DGKZ: variants seen among roughly 807,000 people sequenced by gnomAD.
DGKZ encodes DAG kinase zeta.
In DGKZ, 45 loss-of-function variants were observed where a neutral mutation model predicts 142.5. The ratio of observed to expected loss-of-function variants is 0.32; its 90% CI spans 0.25 to 0.40. DGKZ has a LOEUF of 0.40. Ranked by LOEUF, DGKZ falls within the 10% of genes least tolerant of loss-of-function variation. The pLI is 1.00. For synonymous variants in DGKZ, 442 were observed against 527.0 expected (o/e 0.84, Z 2.21); for missense variants, 755 against 1,306.5 (o/e 0.58, Z 6.51).
intron 1 of DGKZ, among the ~76,000 whole-genome samples, chr11:46,353,302 CTCTTT>C (rs570461982): frequency 3.5e-4 from 54 of 152,342 alleles, no homozygotes; most frequent in African/African-American, 1.3e-3. Flanking sequence ...CTTAGGAGTA[CTCTTT>C]TCTTCTATTA....
chr11:46,379,173 C>A (rs1312382635), intron 28 of DGKZ, 30 bp from the exon 29 acceptor site: 2 of 1,612,442 alleles, frequency 1.2e-6, no homozygotes, highest in South Asian at 1.1e-5. Flanking sequence ...GGCTGCCAGG[C>A]CTCTCTGACC....
intron 1 of DGKZ, among the ~76,000 whole-genome samples, chr11:46,363,737 C>G (rs1942946532): frequency 6.6e-6 from 1 of 152,228 alleles, no homozygotes; most frequent in Non-Finnish European, 1.5e-5. Flanking sequence ...GACTAATCTC[C>G]TCCAGGCTGG....
In DGKZ at chr11:46,366,647, T is replaced by C. The variant is rs866211653; in HGVS notation, c.162-644T>C. The C allele has an allele frequency of 3.1e-6, 5 of 1,599,544 alleles. No homozygotes were observed. The Middle Eastern group carries it at 8.3e-4, about 265-fold the overall frequency. ...CCAGGAGGATGTGGTAGCCGAGGCA[T>C]CGAGCGCCATCCAGCCAGGCACCAA... On this transcript the variant is annotated intron_variant, in intron 1 of 30. Transcript: ENST00000527911.
chr11:46,358,179 C>T (rs1296237223), intron 1 of DGKZ, among the ~76,000 whole-genome samples: 17 of 152,114 alleles, frequency 1.1e-4, no homozygotes, highest in Admixed American at 1.1e-3. Context: ...ACTGCTAGCC[C>T]CTCAACGCGA....
rs1943376425 is a variant in DGKZ at position 46,366,944 on chromosome 11, C to T, written c.162-347C>T. On this transcript the variant is annotated intron_variant, in intron 1 of 30. Coordinates refer to ENST00000527911, the Ensembl canonical transcript of DGKZ. Reference sequence around the variant, plus strand: ...CCGCAGGCGCCAGGTAGCCCTACGGCGCAAGGCGGCCGGACCCCAGGCCTG... The same window carrying T: ...CCGCAGGCGCCAGGTAGCCCTACGGTGCAAGGCGGCCGGACCCCAGGCCTG... 8 of 1,539,040 alleles carry T rather than the reference C, an allele frequency of 5.2e-6. No homozygotes were observed. The highest frequency in any genetic ancestry group is 2.1e-4 in the Middle Eastern group (1 of 4,720).
rs775515499 is a variant in DGKZ at position 46,379,578 on chromosome 11, C to T, written c.2688+10C>T. ...GAAGACAGACCAGCAGGTGAGCAGACGGCAGGCAGGGAGCCCACGAGGGCA... is the reference window on the plus strand; with the variant it reads ...GAAGACAGACCAGCAGGTGAGCAGATGGCAGGCAGGGAGCCCACGAGGGCA... On this transcript the variant is annotated intron_variant, in intron 30 of 30. Transcript: ENST00000527911. 1.5e-5 allele frequency: 24 copies of T among 1,599,764 alleles called. No homozygotes were observed. Among genetic ancestry groups the T allele is most frequent in the African/African-American group, 1.5e-4 (11 of 74,636 alleles).
intron 1 of DGKZ, chr11:46,366,505 C>T: frequency 1.3e-6 from 2 of 1,586,676 alleles, no homozygotes; most frequent in Non-Finnish European, 1.7e-6. Flanking sequence ...CTTCCTGCAA[C>T]CCCCGCTTCA....
At chr11:46,343,208 G>A (rs932027845), upstream of DGKZ, among the ~76,000 whole-genome samples, 5 of 152,094 alleles carry the variant, frequency 3.3e-5, no homozygotes, top group Admixed American at 6.5e-5. Flanking sequence ...AAAGAGCTAC[G>A]TTACATATTC....
intron 25 of DGKZ, chr11:46,377,738 C>T (rs553951671): frequency 1.5e-5 from 4 of 262,078 alleles, no homozygotes; most frequent in Non-Finnish European, 1.5e-5. Flanking sequence ...TGGTCCTGCC[C>T]CACTCTCTTC....
In DGKZ at chr11:46,350,764, G is replaced by A. The variant is rs1003575387; in HGVS notation, c.161+2944G>A. On this transcript the variant is annotated intron_variant, in intron 1 of 30. Transcript: ENST00000527911. ...AGTCTCTGAATGGCAGCCCCTGTGG[G>A]GCTGAAAGAGGCTTTTCCTTAAAGT... Among the ~76,000 whole-genome samples the A allele has an allele frequency of 3.0e-4, 45 of 152,130 alleles. 1 individual carries two copies. The highest frequency in any genetic ancestry group is 1.1e-3 in the African/African-American group (44 of 41,410).
In DGKZ at chr11:46,374,589, C is replaced by T; in HGVS notation, c.1462-15C>T. On this transcript the variant is annotated splice_polypyrimidine_tract_variant and intron_variant, in intron 16 of 30. Coordinates refer to ENST00000527911, the Ensembl canonical transcript of DGKZ. ...ATCTCTGTCAGCAGATGGTGACGCC[C>T]TCTGTCTCCCACAGACAGCTTTCTC... is the stretch of plus-strand genomic sequence containing the variant. 2 of 1,588,856 alleles carry T rather than the reference C, an allele frequency of 1.3e-6. No individual in the cohort carries two copies. The highest frequency in any genetic ancestry group is 1.3e-5 in the African/African-American group (1 of 74,662).
intron 1 of DGKZ, among the ~76,000 whole-genome samples, chr11:46,355,658 T>G: frequency 6.8e-6 from 1 of 148,058 alleles, no homozygotes; most frequent in African/African-American, 2.5e-5. Flanking sequence ...GTGAGTAGTG[T>G]GGAAGCCTGG....
chr11:46,375,419 C>A lies in DGKZ; in HGVS notation c.1711-13C>A. The A allele has an allele frequency of 6.4e-7, 1 of 1,562,032 alleles. No individual in the cohort carries two copies. The highest frequency in any genetic ancestry group is 2.3e-5 in the East Asian group (1 of 43,098). On this transcript the variant is annotated splice_polypyrimidine_tract_variant and intron_variant, in intron 19 of 30. Coordinates refer to ENST00000527911, the Ensembl canonical transcript of DGKZ. ...CCCTGGTGCCATCTGACCCAAGCTT[C>A]CTGTGCCCACAGGCCGCGCTGCAGG...
At chr11:46,373,792 C>T (rs976931759) in intron 14 of DGKZ, among the ~76,000 whole-genome samples, 2 of 152,382 alleles carry the variant, frequency 1.3e-5, no homozygotes, top group African/African-American at 4.8e-5. Flanking sequence ...GCCACCACGC[C>T]TGGTCAGAAG....
At chr11:46,351,634 C>T (rs565401275) in intron 1 of DGKZ, among the ~76,000 whole-genome samples, 2 of 152,334 alleles carry the variant, frequency 1.3e-5, no homozygotes, top group Admixed American at 1.3e-4. Context: ...AGTGGTTTGT[C>T]TCACCTGGGC....
chr11:46,333,192 TC>T, exon 1 of DGKZ: 1 of 1,168,742 alleles, frequency 8.6e-7, no homozygotes, highest in Non-Finnish European at 1.1e-6. Flanking sequence ...CCGCCTCGCG[TC>T]CCCGGCCCGG....
intron 1 of DGKZ, among the ~76,000 whole-genome samples, chr11:46,334,726 C>CGG (rs1939928762): frequency 1.3e-5 from 2 of 152,184 alleles, no homozygotes; most frequent in South Asian, 2.1e-4. Flanking sequence ...CCAAGTTCTT[C>CGG]CAGAACACCA....
Position 46,371,469 on chromosome 11 carries a change from G to T in DGKZ, c.643-18G>T, listed in dbSNP as rs918600087. 1.2e-6 allele frequency: 2 copies of T among 1,600,096 alleles called. No individual in the cohort carries two copies. Among genetic ancestry groups the T allele is most frequent in the Non-Finnish European group, 1.7e-6 (2 of 1,172,384 alleles). On this transcript the variant is annotated intron_variant, in intron 7 of 30. Coordinates refer to ENST00000527911, the Ensembl canonical transcript of DGKZ. ...TCTGAACACGGTCCCGCTGAGCCCG[G>T]CCCCTCGCTCTCCTCAGTACCACAG...
At chr11:46,374,817 G>A (rs748044790) in exon 18 of DGKZ, 2 of 1,600,826 alleles carry the variant, frequency 1.2e-6, no homozygotes, top group Non-Finnish European at 8.5e-7. Context: ...ACCCCAGTGT[G>A]TTGTTTTCCT....
Sources: allele counts gnomAD v4.1 joint callset (sites outside exome capture counted in the v4.1 genomes callset), GRCh38; gene constraint gnomAD v4.1.1; transcripts MANE v1.5; gene names NCBI Gene and HGNC (gene_info 2026-07-23, HGNC 2026-07-21).